NSG2: variants seen among roughly 807,000 people sequenced by gnomAD.
The protein encoded by NSG2 is neuronal vesicle trafficking associated 2.
NSG2 carries 4 observed loss-of-function variants against 16.9 expected under a neutral mutation model. That is an observed-to-expected ratio of 0.24 (90% CI 0.12 to 0.54). The LOEUF (loss-of-function observed/expected upper bound fraction) is 0.54, where lower values mean the gene tolerates loss of function less well. Ranked by LOEUF, NSG2 falls within the 20% of genes least tolerant of loss-of-function variation. NSG2 has a pLI of 0.95. For missense variants in NSG2, 179 were observed against 221.1 expected (o/e 0.81, Z 1.21); for synonymous variants, 98 against 88.7 (o/e 1.11, Z -0.59).
At chr5:174,086,193 G>C (rs961747778) in intron 3 of NSG2, among the ~76,000 whole-genome samples, 7 of 152,160 alleles carry the variant, frequency 4.6e-5, no homozygotes, top group African/African-American at 7.2e-5. Context: ...CTCACCCTGG[G>C]CCTTGTTGAA....
chr5:174,053,965 G>T (rs1759930243), intron 2 of NSG2, among the ~76,000 whole-genome samples: 1 of 152,170 alleles, frequency 6.6e-6, no homozygotes, highest in African/African-American at 2.4e-5. Context: ...TACCCTATGG[G>T]TATATATTTC....
intron 3 of NSG2, among the ~76,000 whole-genome samples, chr5:174,074,308 C>T (rs1415242857): frequency 2.0e-5 from 3 of 152,136 alleles, no homozygotes; most frequent in African/African-American, 7.2e-5. Flanking sequence ...CACTGTGGCT[C>T]GATAAACGTG....
intron 3 of NSG2, among the ~76,000 whole-genome samples, chr5:174,086,246 CT>C (rs1460019678): frequency 2.6e-5 from 4 of 152,180 alleles, no homozygotes; most frequent in Non-Finnish European, 5.9e-5. Flanking sequence ...GGGCCAATCA[CT>C]TTCTGGAAAC....
chr5:174,084,895 C>T (rs1391781224), intron 3 of NSG2, among the ~76,000 whole-genome samples: 1 of 152,206 alleles, frequency 6.6e-6, no homozygotes, highest in East Asian at 1.9e-4. Context: ...GCTGTGCGTG[C>T]ACTCCTGTGT....
intron 3 of NSG2, among the ~76,000 whole-genome samples, chr5:174,099,341 G>T (rs993004830): frequency 7.2e-5 from 11 of 152,020 alleles, no homozygotes; most frequent in African/African-American, 2.7e-4. Flanking sequence ...CTCTTGTCTC[G>T]CAGTGCTGTG....
rs144603912 is a variant in NSG2 at position 174,065,327 on chromosome 5, C to CAA, written c.213+1024_213+1025dup. On this transcript the variant is annotated intron_variant, in intron 3 of 4. Transcript: ENST00000303177. ...TGGATGACAGAGCAAGACTCCGTCT[C>CAA]AAAAAAAAAAAAAGAAATAAGGACA... Among the ~76,000 whole-genome samples the CAA allele has an allele frequency of 7.6e-3, 919 of 120,684 alleles. 8 individuals carry two copies. The highest frequency in any genetic ancestry group is 0.027 in the African/African-American group (884 of 32,186). 79.2% of individuals were successfully genotyped at this position (120,684 alleles called of 152,430 possible).
chr5:174,064,257 A>T lies in NSG2; in HGVS notation c.155A>T (p.Tyr52Phe), dbSNP rs866701507. ...GTGATTGTGAAGACAAGAACGGAAT[A>T]TCAGCCGGAACAGAAGAACAAAGGG... is the stretch of plus-strand genomic sequence containing the variant. ...EKVIVKTRTE[Y>F]QPEQKNKGKF... is the part of the protein sequence containing the mutation. Residue 52 changes from tyrosine to phenylalanine, a missense_variant, in exon 3 of 5, where the codon TAT becomes TTT. Transcript: ENST00000303177. The T allele has an allele frequency of 1.9e-6, 3 of 1,611,508 alleles. No homozygotes were observed. The East Asian group carries it at 6.7e-5, about 36-fold the overall frequency.
intron 2 of NSG2, among the ~76,000 whole-genome samples, chr5:174,053,191 A>G (rs1759918950): frequency 6.6e-6 from 1 of 152,176 alleles, no homozygotes; most frequent in African/African-American, 2.4e-5. Context: ...ACAGGCAATA[A>G]TATCTACCTC....
At chr5:174,105,934 A>G (rs2113482187) in intron 4 of NSG2, among the ~76,000 whole-genome samples, 1 of 152,310 alleles carries the variant, frequency 6.6e-6, no homozygotes, top group Non-Finnish European at 1.5e-5. Flanking sequence ...GGAAGACTCA[A>G]AACAATGGGA....
rs996187991 is a variant in NSG2 at position 174,046,785 on chromosome 5, G to A, written c.30G>A (p.Glu10=). ...TGAAGCTGAACAGTAACCCCAGCGA[G>A]AAGGGAACCAAGCCGCCTTCAGTTG... MVKLNSNPS[E]KGTKPPSVED... is the part of the protein sequence containing the mutation. The change falls in exon 2 of 5, where the codon GAG becomes GAA. Residue 10 remains glutamate, a synonymous_variant. Transcript: ENST00000303177. 1 of 1,614,150 alleles carries A rather than the reference G, an allele frequency of 6.2e-7. No homozygotes were observed. Among genetic ancestry groups the A allele is most frequent in the African/African-American group, 1.3e-5 (1 of 75,040 alleles).
intron 3 of NSG2, among the ~76,000 whole-genome samples, chr5:174,080,512 C>CTCTCTCTCTCT (rs1561668573): frequency 2.1e-5 from 2 of 93,566 alleles, no homozygotes; most frequent in Non-Finnish European, 4.5e-5. Context: ...TCTTTCTTTC[C>CTCTCTCTCTCT]CTCTTTCTTT....
chr5:174,083,253 C>A (rs1039866558), intron 3 of NSG2, among the ~76,000 whole-genome samples: 4 of 152,214 alleles, frequency 2.6e-5, no homozygotes, highest in Non-Finnish European at 5.9e-5. Flanking sequence ...CCAGGGCCAG[C>A]GAAGGGCTAG....
At chr5:174,081,398 G>C (rs1381001681) in intron 3 of NSG2, 1 of 151,848 alleles carries the variant, frequency 6.6e-6, no homozygotes, top group African/African-American at 2.4e-5. Context: ...ATGGTGATAT[G>C]GTTTGTCTTC....
intron 3 of NSG2, among the ~76,000 whole-genome samples, chr5:174,096,549 C>T (rs555942511): frequency 6.6e-6 from 1 of 152,272 alleles, no homozygotes; most frequent in East Asian, 1.9e-4. Context: ...GATGAGCCCT[C>T]ATCCTGTAGG....
chr5:174,046,981 C>T, intron 2 of NSG2, 97 bp downstream of exon 2: 1 of 1,240,142 alleles, frequency 8.1e-7, no homozygotes, highest in Non-Finnish European at 1.1e-6. Flanking sequence ...CTTTCATTCT[C>T]TTATCTGCCA....
intron 3 of NSG2, among the ~76,000 whole-genome samples, chr5:174,067,730 C>T (rs1202165718): frequency 1.3e-5 from 2 of 152,054 alleles, no homozygotes; most frequent in East Asian, 1.9e-4. Flanking sequence ...AGGGAGGAGG[C>T]GTGGAGGTAA....
chr5:174,101,078 C>T (rs974153344), intron 3 of NSG2, among the ~76,000 whole-genome samples: 2 of 152,182 alleles, frequency 1.3e-5, no homozygotes, highest in African/African-American at 2.4e-5. Flanking sequence ...TGCACGAGCT[C>T]GACAGCTGCA....
At chr5:174,059,213 A>G (rs1246037129) in intron 2 of NSG2, among the ~76,000 whole-genome samples, 2 of 152,354 alleles carry the variant, frequency 1.3e-5, no homozygotes, top group East Asian at 3.9e-4. Context: ...CGCAGTATAT[A>G]AAAACCTCTT....
intron 3 of NSG2, among the ~76,000 whole-genome samples, chr5:174,084,552 AT>A (rs898570664): frequency 1.3e-5 from 2 of 152,216 alleles, no homozygotes; most frequent in Non-Finnish European, 2.9e-5. Context: ...AGTGAAGAGC[AT>A]TCCATGCTCT....
Sources: allele counts gnomAD v4.1 joint callset (sites outside exome capture counted in the v4.1 genomes callset), GRCh38; gene constraint gnomAD v4.1.1; transcripts MANE v1.5; gene names NCBI Gene and HGNC (gene_info 2026-07-23, HGNC 2026-07-21).